The following DMD variants were observed in gnomAD, a reference collection of about 807,000 sequenced individuals.
DMD encodes the protein mutant dystrophin.
A neutral mutation model predicts 330.1 loss-of-function variants in DMD; 63 were observed. That is an observed-to-expected ratio of 0.19 (90% confidence interval 0.16 to 0.24). DMD has a LOEUF of 0.24. Among genes scored for constraint, DMD ranks in the 10% least tolerant of loss-of-function variants. The pLI, the probability that DMD is intolerant of heterozygous loss-of-function variation, is 1.00. For missense variants in DMD, 3,344 were observed against 2,684.1 expected (o/e 1.25, Z -5.43); for synonymous variants, 1,223 against 959.8 (o/e 1.27, Z -5.07).
intron 50 of DMD, among the ~76,000 whole-genome samples, chrX:31,806,026 A>G (rs2092281626): frequency 8.9e-6 from 1 of 111,987 alleles, no homozygotes; most frequent in African/African-American, 3.2e-5. Context: ...TTTGCACCTC[A>G]TTAGCAGAGT....
At chrX:32,231,528 T>A (rs6628690) in intron 43 of DMD, among the ~76,000 whole-genome samples, 12,739 of 111,800 alleles carry the variant, frequency 0.11, 744 homozygotes, top group East Asian at 0.45. Context: ...TTAAGATCTC[T>A]GTCTATCTTT....
chrX:32,348,363 T>C (rs1484520304), intron 38 of DMD, 43 bp downstream of exon 38: 19 of 1,169,964 alleles, frequency 1.6e-5, no homozygotes, highest in Admixed American at 1.5e-4. Context: ...AAATATTTAT[T>C]TCCACTCCTA....
chrX:31,334,757 T>A (rs943097395), intron 61 of DMD, among the ~76,000 whole-genome samples: 1 of 112,049 alleles, frequency 8.9e-6, no homozygotes, highest in African/African-American at 3.2e-5. Context: ...CTTTTAACGA[T>A]AGCCAACCAT....
chrX:31,868,845 T>C (rs758682864), intron 48 of DMD, among the ~76,000 whole-genome samples: 28 of 112,091 alleles, frequency 2.5e-4, no homozygotes, highest in Admixed American at 2.4e-3. Flanking sequence ...ATCTGAGGTT[T>C]CATATTTTTT....
intron 49 of DMD, among the ~76,000 whole-genome samples, chrX:31,826,476 A>C (rs1303501901): frequency 8.9e-6 from 1 of 112,377 alleles, no homozygotes; most frequent in African/African-American, 3.2e-5. Flanking sequence ...ATATTATACA[A>C]GTTCTTTTTT....
Position 32,394,419 on chromosome X carries a change from C to T in DMD, c.4234-4238G>A, listed in dbSNP as rs190168015. On this transcript the variant is annotated intron_variant, in intron 30 of 78. Transcript: ENST00000357033. ...GAACCTTGATTTTCTCATGTCTAGC[C>T]CAAGAATGATAATAGCAAGCCAGCA... is the stretch of plus-strand genomic sequence containing the variant. Among the ~76,000 whole-genome samples the T allele has an allele frequency of 4.7e-4, 53 of 111,792 alleles. No homozygotes were observed. In the Admixed American group the frequency reaches 4.8e-3, roughly 10 times the overall value.
intron 12 of DMD, among the ~76,000 whole-genome samples, chrX:32,604,712 G>A (rs1292406702): frequency 9.2e-6 from 1 of 109,147 alleles, no homozygotes; most frequent in East Asian, 2.9e-4. Context: ...AAAGTTTCAG[G>A]ATATGAAATC....
chrX:31,704,156 T>A (rs1396655955), intron 52 of DMD, among the ~76,000 whole-genome samples: 1 of 112,277 alleles, frequency 8.9e-6, no homozygotes, highest in Non-Finnish European at 1.9e-5. Context: ...AATTTTTTTC[T>A]GATGACTTAT....
chrX:31,485,759 C>G (rs892594184), intron 57 of DMD, among the ~76,000 whole-genome samples: 1 of 112,026 alleles, frequency 8.9e-6, no homozygotes, highest in South Asian at 3.7e-4. Context: ...CTTTTCAAAA[C>G]ACAGATGTCT....
At chrX:32,800,946 A>G (rs1474218655) in intron 7 of DMD, among the ~76,000 whole-genome samples, 1 of 111,482 alleles carries the variant, frequency 9.0e-6, no homozygotes, top group Admixed American at 9.6e-5. Context: ...TATCCAGTCT[A>G]TCATTGATGG....
chrX:31,957,517 T>C (rs2095258637), intron 45 of DMD, among the ~76,000 whole-genome samples: 1 of 111,986 alleles, frequency 8.9e-6, no homozygotes, highest in African/African-American at 3.2e-5. Context: ...AGATAAGGCT[T>C]TCTGCTGAAT....
intron 56 of DMD, among the ~76,000 whole-genome samples, chrX:31,502,238 CA>C (rs1164487268): frequency 9.1e-6 from 1 of 110,337 alleles, no homozygotes; most frequent in Non-Finnish European, 1.9e-5. Context: ...ACTTCAGAAA[CA>C]AAAAAAATTA....
intron 1 of DMD, among the ~76,000 whole-genome samples, chrX:33,311,972 A>C (rs776941971): frequency 5.4e-5 from 6 of 110,704 alleles, no homozygotes; most frequent in Admixed American, 4.8e-4. Context: ...AAAAATGTTA[A>C]TATGAGAAAA....
At chrX:32,252,639 A>T (rs6631525) in intron 43 of DMD, among the ~76,000 whole-genome samples, 2 of 70,947 alleles carry the variant, frequency 2.8e-5, no homozygotes, top group African/African-American at 1.4e-4. Context: ...TGTATATATA[A>T]ATATATATAA....
At chrX:31,264,979 G>A (rs745644343) in intron 62 of DMD, among the ~76,000 whole-genome samples, 1 of 112,742 alleles carries the variant, frequency 8.9e-6, no homozygotes, top group East Asian at 2.8e-4. Flanking sequence ...TACTGCTGTG[G>A]CTGGGAAAAT....
Position 32,221,219 on chromosome X carries a change from T to C in DMD, c.6291-4156A>G, listed in dbSNP as rs944722164. On this transcript the variant is annotated intron_variant, in intron 43 of 78. Transcript: ENST00000357033. ...TAGTAGACTTCTGACATATCCATTG[T>C]TGCTTTATACTTCGGTCTGGAAACT... Among the ~76,000 whole-genome samples the C allele has an allele frequency of 5.4e-5, 6 of 111,406 alleles. No homozygotes were observed. In the Admixed American group the frequency reaches 5.7e-4, roughly 11 times the overall value.
rs1055109526 is a variant in DMD at position 32,428,999 on chromosome X, T to G, written c.4071+9242A>C. Among the ~76,000 whole-genome samples, 2 of 111,404 alleles carry G rather than the reference T, an allele frequency of 1.8e-5. 1 individual carries two copies. Among genetic ancestry groups the G allele is most frequent in the Non-Finnish European group, 3.8e-5 (2 of 53,141 alleles). ...ACCATAATGTCTATTTTGCTGGAAA[T>G]AAATTAGGTGTCTAAGCTTTTTATT... On this transcript the variant is annotated intron_variant, in intron 29 of 78. Coordinates refer to ENST00000357033, the MANE Select transcript of DMD (RefSeq NM_004006.3).
At chrX:32,358,693 A>T (rs1025020193) in intron 37 of DMD, among the ~76,000 whole-genome samples, 1 of 111,413 alleles carries the variant, frequency 9.0e-6, no homozygotes, top group Admixed American at 9.6e-5. Context: ...GGTCTTTGTC[A>T]TGAAAATAGC....
At chrX:31,622,542 C>T (rs1293458359) in intron 55 of DMD, among the ~76,000 whole-genome samples, 3 of 109,912 alleles carry the variant, frequency 2.7e-5, no homozygotes, top group South Asian at 7.9e-4. Context: ...GAATTAGTTC[C>T]CTTATAACAA....
Sources: allele counts gnomAD v4.1 joint callset (sites outside exome capture counted in the v4.1 genomes callset), GRCh38; gene constraint gnomAD v4.1.1; transcripts MANE v1.5; gene names NCBI Gene and HGNC (gene_info 2026-07-23, HGNC 2026-07-21).